The following PIN4 variants were observed in gnomAD, a reference collection of about 807,000 sequenced individuals.
PIN4 encodes peptidyl-prolyl cis-trans isomerase NIMA-interacting 4.
Under a neutral mutation model 8.3 loss-of-function variants are expected in PIN4, and 3 were observed. The observed-to-expected ratio is 0.36, with a 90% CI of 0.16 to 0.93. The LOEUF (loss-of-function observed/expected upper bound fraction) is 0.93, where lower values mean the gene tolerates loss of function less well. PIN4 is among the 40% of genes least tolerant of loss of function. The probability of loss-of-function intolerance (pLI) is 0.44; values close to 1 mark genes in which losing one functional copy is unlikely to be tolerated. For synonymous variants in PIN4, 18 were observed against 32.5 expected, an observed-to-expected ratio of 0.55 and a Z score of 1.52; for missense variants, 75 against 100.6, an observed-to-expected ratio of 0.75 and a Z score of 1.09.
At chrX:72,192,171 T>C (rs2042739111) in intron 2 of PIN4, among the ~76,000 whole-genome samples, 1 of 111,448 alleles carries the variant, frequency 9.0e-6, no homozygotes, top group African/African-American at 3.3e-5. Flanking sequence ...CAGGCTGGTC[T>C]CCAATTCCTC....
chrX:72,210,162 T>C (rs1218322355), intron 3 of PIN4, among the ~76,000 whole-genome samples: 1 of 102,581 alleles, frequency 9.7e-6, no homozygotes, highest in Non-Finnish European at 1.9e-5. Flanking sequence ...GGTCAGGAGT[T>C]TAAGACTAGC....
chrX:72,196,998 C>G (rs1338196883), intron 3 of PIN4, 94 bp downstream of exon 3: 12 of 797,352 alleles, frequency 1.5e-5, no homozygotes, highest in Non-Finnish European at 1.2e-5. Context: ...TCTCCATCCT[C>G]CACAGAAGAA....
At chrX:72,250,020 G>T (rs935547275) in intron 3 of PIN4, among the ~76,000 whole-genome samples, 1 of 109,809 alleles carries the variant, frequency 9.1e-6, no homozygotes, top group African/African-American at 3.3e-5. Flanking sequence ...GCAGCCGGGG[G>T]TGAGAACCGC....
At chrX:72,248,527 CAA>C (rs1159183002) in intron 3 of PIN4, among the ~76,000 whole-genome samples, 2 of 111,011 alleles carry the variant, frequency 1.8e-5, no homozygotes, top group African/African-American at 6.5e-5. Flanking sequence ...GAAAGACTGA[CAA>C]GGAAACCCTC....
At chrX:72,255,955 C>T (rs1027169560) in intron 3 of PIN4, 1 of 111,766 alleles carries the variant, frequency 8.9e-6, no homozygotes, top group Non-Finnish European at 1.9e-5. Flanking sequence ...GCATTTCATT[C>T]GATATTTACT....
chrX:72,192,370 C>T (rs903586008), intron 2 of PIN4, among the ~76,000 whole-genome samples: 39 of 111,782 alleles, frequency 3.5e-4, no homozygotes, highest in African/African-American at 1.2e-3. Context: ...CCTCAGTCAG[C>T]CTGCTGTATT....
intron 3 of PIN4, among the ~76,000 whole-genome samples, chrX:72,238,260 A>G (rs2043028728): frequency 1.8e-5 from 2 of 111,834 alleles, no homozygotes; most frequent in Admixed American, 9.5e-5. Flanking sequence ...TCTCATCCCA[A>G]CATTACCACG....
intron 1 of PIN4, among the ~76,000 whole-genome samples, chrX:72,182,639 T>C (rs1410913919): frequency 9.0e-6 from 1 of 111,423 alleles, no homozygotes; most frequent in Admixed American, 9.6e-5. Context: ...AATGTAGTGT[T>C]GAGGGATGTG....
chrX:72,216,950 A>C (rs935301523), intron 3 of PIN4, among the ~76,000 whole-genome samples: 3 of 112,389 alleles, frequency 2.7e-5, no homozygotes, highest in Non-Finnish European at 5.6e-5. Context: ...AATGCTCCCC[A>C]AAAATAATAA....
intron 3 of PIN4, among the ~76,000 whole-genome samples, chrX:72,218,400 G>A (rs761999015): frequency 4.5e-5 from 5 of 110,923 alleles, no homozygotes; most frequent in Non-Finnish European, 9.4e-5. Flanking sequence ...GAGGCACCAC[G>A]GTCGGCTAAA....
chrX:72,249,841 TA>T (rs2043080136), intron 3 of PIN4, among the ~76,000 whole-genome samples: 1 of 111,492 alleles, frequency 9.0e-6, no homozygotes, highest in Non-Finnish European at 1.9e-5. Flanking sequence ...GCACCCACAA[TA>T]TCACAATTCA....
At chrX:72,246,947 GC>G (rs2043069357) in intron 3 of PIN4, among the ~76,000 whole-genome samples, 1 of 111,845 alleles carries the variant, frequency 8.9e-6, no homozygotes, top group Admixed American at 9.5e-5. Flanking sequence ...TTATACCCTC[GC>G]AGAGCTCAGA....
intron 3 of PIN4, chrX:72,239,190 G>T (rs1040349378): frequency 8.6e-6 from 3 of 349,989 alleles, no homozygotes; most frequent in Non-Finnish European, 1.0e-5. Flanking sequence ...TTCGAGACAC[G>T]GAGTGTGCTG....
rs774499193 is a variant in PIN4, at chrX:72,258,406, C to G, written c.313-4301C>G. ...GCCACTGGCCAGAACAGGGCTCCCCCCACAGCCACACGCACACTGATTGCA... is the reference window on the plus strand; with the variant it reads ...GCCACTGGCCAGAACAGGGCTCCCCGCACAGCCACACGCACACTGATTGCA... On this transcript the variant is annotated intron_variant, in intron 3 of 3. Transcript: ENST00000423432. 2.7e-5 allele frequency among the ~76,000 whole-genome samples: 3 copies of G among 112,382 alleles called. No homozygotes were observed. In the South Asian group the frequency reaches 1.1e-3, roughly 41 times the overall value.
chrX:72,232,057 T>A (rs1400822705), intron 3 of PIN4, among the ~76,000 whole-genome samples: 2 of 109,489 alleles, frequency 1.8e-5, no homozygotes, highest in African/African-American at 6.7e-5. Context: ...CCAGCCTAGA[T>A]GACAGAGCGA....
chrX:72,182,052 GGCT>G (rs776852793), intron 1 of PIN4: 46 of 423,332 alleles, frequency 1.1e-4, no homozygotes, highest in African/African-American at 3.7e-4. Context: ...GATGACTTAG[GGCT>G]GCTATTTCAA....
chrX:72,252,491 C>G (rs1355499404), intron 3 of PIN4, among the ~76,000 whole-genome samples: 1 of 110,919 alleles, frequency 9.0e-6, no homozygotes, highest in Non-Finnish European at 1.9e-5. Flanking sequence ...TGAAGCAATT[C>G]TCCTGCCTCA....
chrX:72,251,689 C>T (rs956751014), intron 3 of PIN4, among the ~76,000 whole-genome samples: 1 of 110,446 alleles, frequency 9.1e-6, no homozygotes, highest in South Asian at 3.8e-4. Context: ...GTGTTTTTTT[C>T]GAGGTAGGGA....
At chrX:72,204,593 AAC>A (rs1569489430) in intron 3 of PIN4, 1 of 116,789 alleles carries the variant, frequency 8.6e-6, no homozygotes, top group Non-Finnish European at 1.8e-5. Flanking sequence ...GAAAGCATGA[AAC>A]AGCATGTTCA....
Sources: gnomAD v4.1 joint callset for allele counts (sites outside exome capture counted in the v4.1 genomes callset) on GRCh38, gnomAD v4.1.1 for gene constraint, MANE v1.5 for transcripts, NCBI Gene and HGNC (gene_info 2026-07-23, HGNC 2026-07-21) for gene names.